EPB41L5: variants seen among roughly 807,000 people sequenced by gnomAD.
EPB41L5 encodes the protein band 4.1-like protein 5.
EPB41L5 carries 55 observed loss-of-function variants against 106.6 expected under a neutral mutation model. That is an observed-to-expected ratio of 0.52 (90% CI 0.42 to 0.65). EPB41L5 has a LOEUF of 0.65. Among genes scored for constraint, EPB41L5 ranks in the 30% least tolerant of loss-of-function variants. The probability of loss-of-function intolerance (pLI) is 0.00; values close to 1 mark genes in which losing one functional copy is unlikely to be tolerated. For missense variants in EPB41L5, 871 were observed against 882.1 expected (o/e 0.99, Z 0.16); for synonymous variants, 297 against 306.7 (o/e 0.97, Z 0.33).
rs1558905173 is a variant in EPB41L5, at chr2:120,146,258, A to G, written c.1762A>G (p.Asn588Asp). ...AGAAGATAGCTTATTAAGTCATAAA[A>G]ATGCCAATGTTCAGGATGCTGCCAC... ...TKEDSLLSHKNANVQDAATNS... is the reference protein window; with the variant it reads ...TKEDSLLSHKDANVQDAATNS... Residue 588 changes from asparagine to aspartate, a missense_variant, in exon 20 of 25, where the codon AAT (asparagine) becomes GAT (aspartate). Physicochemically the swap from Asn to Asp is conservative, Grantham distance 23 (BLOSUM62 1). Transcript: ENST00000263713. 6 of 1,610,288 alleles carry G rather than the reference A, an allele frequency of 3.7e-6. No individual in the cohort carries two copies. Among genetic ancestry groups the G allele is most frequent in the Non-Finnish European group, 5.1e-6 (6 of 1,176,818 alleles).
At chr2:120,105,223 G>GA (rs1161953821) in intron 16 of EPB41L5, 12 of 983,326 alleles carry the variant, frequency 1.2e-5, no homozygotes, top group Non-Finnish European at 1.4e-5. Context: ...GTCCATTTCT[G>GA]ATAGGAAAAC....
At chr2:120,132,240 T>C (rs1392833045) in intron 18 of EPB41L5, among the ~76,000 whole-genome samples, 2 of 152,192 alleles carry the variant, frequency 1.3e-5, no homozygotes, top group African/African-American at 4.8e-5. Context: ...GTTAAGTAAC[T>C]TATAGAAAGA....
intron 18 of EPB41L5, among the ~76,000 whole-genome samples, chr2:120,141,510 AT>A (rs1302822128): frequency 6.6e-6 from 1 of 152,130 alleles, no homozygotes; most frequent in Admixed American, 6.6e-5. Flanking sequence ...AGCAGCATGT[AT>A]TTAAAAAGTA....
chr2:120,138,076 C>T (rs563057772), intron 18 of EPB41L5, among the ~76,000 whole-genome samples: 108 of 151,960 alleles, frequency 7.1e-4, no homozygotes, highest in African/African-American at 2.6e-3. Context: ...AAGGGTGATA[C>T]ATTATATCAG....
intron 16 of EPB41L5, among the ~76,000 whole-genome samples, chr2:120,112,449 A>G (rs998082442): frequency 1.3e-5 from 2 of 152,230 alleles, no homozygotes; most frequent in Non-Finnish European, 2.9e-5. Context: ...TAGTCAAAAT[A>G]CTGTTCTTGG....
At chr2:120,144,864 C>G (rs1005671036) in intron 19 of EPB41L5, among the ~76,000 whole-genome samples, 3 of 152,282 alleles carry the variant, frequency 2.0e-5, no homozygotes, top group Middle Eastern at 6.8e-3. Context: ...TCATTCAAAA[C>G]CCAAGATAGT....
intron 20 of EPB41L5, among the ~76,000 whole-genome samples, chr2:120,160,247 ATTCC>A (rs1687085987): frequency 6.6e-6 from 1 of 152,176 alleles, no homozygotes; most frequent in South Asian, 2.1e-4. Context: ...TTCAAAGTTA[ATTCC>A]TTTTTATAAT....
chr2:120,143,078 C>T lies in EPB41L5; in HGVS notation c.1675C>T (p.Pro559Ser), dbSNP rs1002991850. ...CCCAGGATTGAATGTCATGAGAGTT[C>T]CTCCTGACTTCAAGAGTAACATTTT... Reference protein sequence around the residue: ...ESPGLNVMRVPPDFKSNILKA... With the variant: ...ESPGLNVMRVSPDFKSNILKA... Residue 559 changes from proline to serine, a missense_variant, in exon 19 of 25, where the codon CCT becomes TCT. Coordinates refer to ENST00000263713, the MANE Select transcript of EPB41L5 (RefSeq NM_020909.4). The T allele has an allele frequency of 1.9e-6, 3 of 1,609,552 alleles. No homozygotes were observed. The African/African-American group carries it at 4.0e-5, about 22-fold the overall frequency.
intron 18 of EPB41L5, among the ~76,000 whole-genome samples, chr2:120,136,594 GAGC>G (rs1221648018): frequency 6.6e-6 from 1 of 151,556 alleles, no homozygotes; most frequent in Non-Finnish European, 1.5e-5. Context: ...AACCAAAAAA[GAGC>G]AGGTTATTTA....
chr2:120,064,390 G>A (rs1681302337), intron 3 of EPB41L5, among the ~76,000 whole-genome samples: 1 of 152,170 alleles, frequency 6.6e-6, no homozygotes, highest in Non-Finnish European at 1.5e-5. Context: ...TGTAGGTTAA[G>A]TGATTAGAAG....
intron 24 of EPB41L5, among the ~76,000 whole-genome samples, chr2:120,171,972 C>T (rs921787082): frequency 6.8e-6 from 1 of 147,178 alleles, no homozygotes; most frequent in African/African-American, 2.5e-5. Flanking sequence ...GAATTTAGAG[C>T]GAAGATACTG....
chr2:120,140,264 C>G (rs1364266414), intron 18 of EPB41L5, among the ~76,000 whole-genome samples: 1 of 151,792 alleles, frequency 6.6e-6, no homozygotes, highest in Non-Finnish European at 1.5e-5. Flanking sequence ...TGACTACAGT[C>G]AATAACTTAC....
chr2:120,021,267 G>C (rs1237055950), intron 2 of EPB41L5, among the ~76,000 whole-genome samples: 5 of 151,942 alleles, frequency 3.3e-5, no homozygotes, highest in Non-Finnish European at 7.4e-5. Flanking sequence ...TTGAACCTGG[G>C]AGGTGGAGAT....
chr2:120,107,013 G>A (rs1684493750), intron 16 of EPB41L5: 25 of 754,430 alleles, frequency 3.3e-5, no homozygotes, highest in Non-Finnish European at 4.0e-5. Context: ...TTTTTTGGAG[G>A]GGAGTTTATT....
chr2:120,110,824 C>G (rs978818560), intron 16 of EPB41L5, among the ~76,000 whole-genome samples: 4 of 151,744 alleles, frequency 2.6e-5, no homozygotes, highest in Non-Finnish European at 5.9e-5. Flanking sequence ...TTAGTAGAAA[C>G]GGGGCTTCAC....
At chr2:120,049,996 C>G (rs1278944054) in intron 3 of EPB41L5, among the ~76,000 whole-genome samples, 1 of 152,210 alleles carries the variant, frequency 6.6e-6, no homozygotes, top group Non-Finnish European at 1.5e-5. Flanking sequence ...TTGGCCCCCA[C>G]TGTCTTCTGG....
chr2:120,081,234 G>T (rs548782552), intron 10 of EPB41L5, among the ~76,000 whole-genome samples: 226 of 152,172 alleles, frequency 1.5e-3, no homozygotes, highest in Non-Finnish European at 2.5e-3. Context: ...GGGTTTTTAT[G>T]GTTTTAGGTC....
intron 20 of EPB41L5, among the ~76,000 whole-genome samples, chr2:120,153,428 A>G (rs1010812229): frequency 2.0e-5 from 3 of 152,090 alleles, no homozygotes; most frequent in Admixed American, 2.0e-4. Context: ...AATGTTTTGT[A>G]TGTTCTTGAG....
intron 16 of EPB41L5, among the ~76,000 whole-genome samples, chr2:120,118,069 A>G (rs951113272): frequency 1.1e-4 from 16 of 152,192 alleles, no homozygotes; most frequent in Non-Finnish European, 1.6e-4. Flanking sequence ...CTGGAATTTA[A>G]TAGAGTTTTC....
Sources: gnomAD v4.1 joint callset for allele counts (sites outside exome capture counted in the v4.1 genomes callset) on GRCh38, gnomAD v4.1.1 for gene constraint, MANE v1.5 for transcripts, NCBI Gene and HGNC (gene_info 2026-07-23, HGNC 2026-07-21) for gene names.